The following HEBP1 variants were observed in gnomAD, a reference collection of about 807,000 sequenced individuals.
HEBP1 encodes the protein heme binding protein 1, also known as heme-binding protein 1.
HEBP1 carries 13 observed loss-of-function variants against 20.4 expected under a neutral mutation model. That is an observed-to-expected ratio of 0.64 (90% CI 0.42 to 1.01). The LOEUF (loss-of-function observed/expected upper bound fraction) is 1.01. Among genes scored for constraint, HEBP1 ranks in the 50% least tolerant of loss-of-function variants. The pLI, the probability that HEBP1 is intolerant of heterozygous loss-of-function variation, is 0.00. For missense variants in HEBP1, 241 were observed against 247.3 expected (o/e 0.97, Z 0.17); for synonymous variants, 92 against 90.7 (o/e 1.01, Z -0.08).
chr12:12,987,249 A>G lies in HEBP1; in HGVS notation c.301T>C (p.Trp101Arg), dbSNP rs1864164435. 6.2e-7 allele frequency: 1 copy of G among 1,614,026 alleles called. No individual in the cohort carries two copies. Among genetic ancestry groups the G allele is most frequent in the Non-Finnish European group, 8.5e-7 (1 of 1,180,022 alleles). The change falls in exon 3 of 4, where the codon TGG (tryptophan) becomes CGG (arginine). Residue 101 changes from tryptophan to arginine, a missense_variant. Physicochemically the swap from Trp to Arg is moderately radical, Grantham distance 101. Transcript: ENST00000014930. ...DGSLQKKLKV[W>R]FRIPNQFQSD... ...TGAAATTGGTTTGGAATCCGGAACCAGACTTTTAATTTCTTCTGCAGAGAG... is the reference window on the plus strand; with the variant it reads ...TGAAATTGGTTTGGAATCCGGAACCGGACTTTTAATTTCTTCTGCAGAGAG...
chr12:12,998,758 G>A lies in HEBP1; in HGVS notation c.78+1279C>T, dbSNP rs1300340822. Among the ~76,000 whole-genome samples the A allele has an allele frequency of 6.6e-6, 1 of 152,236 alleles. No individual in the cohort carries two copies. Among genetic ancestry groups the A allele is most frequent in the African/African-American group, 2.4e-5 (1 of 41,464 alleles). ...TCACAAATGAGGCATCGTATTGGGA[G>A]CTCTGTATACAGCTGCACTGTTTAA... is the stretch of plus-strand genomic sequence containing the variant. On this transcript the variant is annotated intron_variant, in intron 1 of 3. Coordinates refer to ENST00000014930, the MANE Select transcript of HEBP1 (RefSeq NM_015987.5). The surrounding 1 kb of genome is among the most constrained non-coding windows in gnomAD (Gnocchi z 4.2).
Position 12,987,143 on chromosome 12 carries a change from T to G in HEBP1, c.398+9A>C. 1 of 1,609,586 alleles carries G rather than the reference T, an allele frequency of 6.2e-7. No homozygotes were observed. Among genetic ancestry groups the G allele is most frequent in the Non-Finnish European group, 8.5e-7 (1 of 1,176,670 alleles). ...CCACCCATGGATGCCTGAAGGATTGTCTCCTTACATGGAATAGACAGTGAT... is the reference window on the plus strand; with the variant it reads ...CCACCCATGGATGCCTGAAGGATTGGCTCCTTACATGGAATAGACAGTGAT... On this transcript the variant is annotated intron_variant, in intron 3 of 3. Transcript: ENST00000014930.
chr12:12,999,908 C>G (rs1864333335), intron 1 of HEBP1, 129 bp downstream of exon 1: 2 of 528,536 alleles, frequency 3.8e-6, no homozygotes, highest in African/African-American at 3.9e-5. Flanking sequence ...GCACTCGCGA[C>G]AGACACCAGA....
chr12:13,000,198 C>CAGGGCGGA lies in HEBP1; in HGVS notation c.-85_-84insTCCGCCCT. The CAGGGCGGA allele has an allele frequency of 2.9e-6, 1 of 344,268 alleles. No homozygotes were observed. Among genetic ancestry groups the CAGGGCGGA allele is most frequent in the African/African-American group, 2.6e-5 (1 of 39,100 alleles). 21.3% of individuals were successfully genotyped at this position (344,268 alleles called of 1,614,324 possible). A position where few individuals can be genotyped will look rare whatever the true frequency, so the allele number is the denominator to read the frequency against. ...CACCACGGGCAGCGACCACCGGCGG[C>CAGGGCGGA]AGGGCGGCAGGGCGGCAGGGCGGCA... On this transcript the variant is annotated 5_prime_UTR_variant, in exon 1 of 4. Coordinates refer to ENST00000014930, the MANE Select transcript of HEBP1 (RefSeq NM_015987.5).
chr12:12,990,745 T>A (rs919211132), intron 1 of HEBP1, among the ~76,000 whole-genome samples: 3 of 152,102 alleles, frequency 2.0e-5, no homozygotes, highest in Admixed American at 2.0e-4. Context: ...AATTTAGAGG[T>A]CATGCAGCCT....
At chr12:12,982,796 C>CT (rs572394921) in intron 3 of HEBP1, among the ~76,000 whole-genome samples, 38 of 152,280 alleles carry the variant, frequency 2.5e-4, no homozygotes, top group South Asian at 1.0e-3. Flanking sequence ...GTAACTTTGA[C>CT]TTTTTTATTG....
chr12:12,997,834 T>C (rs527476234), intron 1 of HEBP1, among the ~76,000 whole-genome samples: 1 of 152,308 alleles, frequency 6.6e-6, no homozygotes, highest in East Asian at 1.9e-4. Context: ...CATGGATTCT[T>C]AAAGTGTTAG....
At chr12:12,975,575 C>T in intron 3 of HEBP1, 96 bp from the exon 4 acceptor site, 1 of 1,089,456 alleles carries the variant, frequency 9.2e-7, no homozygotes, top group South Asian at 1.6e-5. Flanking sequence ...TTTATTATGA[C>T]AAGCATGCTA....
chr12:12,995,786 G>A (rs1250848812), intron 1 of HEBP1, among the ~76,000 whole-genome samples: 1 of 152,190 alleles, frequency 6.6e-6, no homozygotes, highest in Non-Finnish European at 1.5e-5. Context: ...GCATTTGCTT[G>A]TGACATGGAA....
At chr12:12,979,212 A>G (rs1004013153) in intron 3 of HEBP1, among the ~76,000 whole-genome samples, 1 of 152,232 alleles carries the variant, frequency 6.6e-6, no homozygotes, top group African/African-American at 2.4e-5. Context: ...GGAGAATGTC[A>G]TCACTCAGGG....
intron 3 of HEBP1, chr12:12,985,639 G>A (rs1864142820): frequency 6.6e-6 from 1 of 151,990 alleles, no homozygotes; most frequent in South Asian, 2.1e-4. Flanking sequence ...CAGACAGAAG[G>A]GGTAATTGCC....
At chr12:12,981,789 C>A (rs570640898) in intron 3 of HEBP1, among the ~76,000 whole-genome samples, 1 of 152,274 alleles carries the variant, frequency 6.6e-6, no homozygotes, top group South Asian at 2.1e-4. Flanking sequence ...ATCACATTGT[C>A]TCAGGCTCCA....
chr12:12,978,303 C>G (rs1460110505), intron 3 of HEBP1, among the ~76,000 whole-genome samples: 1 of 147,862 alleles, frequency 6.8e-6, no homozygotes, highest in South Asian at 2.2e-4. Context: ...CTCTGCCTCC[C>G]AGGTTCAAGT....
At chr12:12,988,037 C>G (rs1201827575) in intron 2 of HEBP1, among the ~76,000 whole-genome samples, 4 of 152,114 alleles carry the variant, frequency 2.6e-5, no homozygotes, top group Non-Finnish European at 5.9e-5. Context: ...CTGTTCAAAA[C>G]AGGAATATGT....
At chr12:12,987,930 C>T (rs548803497) in intron 2 of HEBP1, among the ~76,000 whole-genome samples, 4 of 152,290 alleles carry the variant, frequency 2.6e-5, no homozygotes, top group South Asian at 4.1e-4. Context: ...GCCACCATGC[C>T]TAGCCAGTAT....
intron 1 of HEBP1, among the ~76,000 whole-genome samples, chr12:12,989,890 G>A (rs942055099): frequency 6.6e-6 from 1 of 152,176 alleles, no homozygotes; most frequent in African/African-American, 2.4e-5. Context: ...TAGGAGGACT[G>A]CAATTCAAGG....
At chr12:12,992,184 T>C (rs1864232630) in intron 1 of HEBP1, among the ~76,000 whole-genome samples, 1 of 152,194 alleles carries the variant, frequency 6.6e-6, no homozygotes, top group Non-Finnish European at 1.5e-5. Context: ...GTGGCAAGTG[T>C]AGTCTCAATG....
At chr12:12,980,447 A>G (rs1864064435) in intron 3 of HEBP1, 2 of 152,246 alleles carry the variant, frequency 1.3e-5, no homozygotes, top group Non-Finnish European at 1.5e-5. Context: ...TCTGACTTAG[A>G]ACATGAAGGG....
At chr12:12,994,505 T>C (rs1311819718) in intron 1 of HEBP1, among the ~76,000 whole-genome samples, 4 of 152,202 alleles carry the variant, frequency 2.6e-5, no homozygotes, top group African/African-American at 9.6e-5. Context: ...GAGCAACCTG[T>C]GCTCTTGGCC....
Sources: gnomAD v4.1 joint callset for allele counts (sites outside exome capture counted in the v4.1 genomes callset) on GRCh38, gnomAD v4.1.1 for gene constraint, Gnocchi (gnomAD v3.1) non-coding constraint, MANE v1.5 for transcripts, NCBI Gene and HGNC (gene_info 2026-07-23, HGNC 2026-07-21) for gene names.